Variants in MORN1 observed in about 807,000 individuals in gnomAD.
MORN1 encodes the protein MORN repeat-containing protein 1.
In MORN1, 67 loss-of-function variants were observed where a neutral mutation model predicts 61.9. The observed-to-expected ratio is 1.08, with a 90% CI of 0.89 to 1.33. MORN1 has a LOEUF of 1.33. MORN1 is among the 40% of genes most tolerant of loss of function. The probability of loss-of-function intolerance (pLI) is 0.00; values close to 1 mark genes in which losing one functional copy is unlikely to be tolerated. For missense variants in MORN1, 752 were observed against 691.2 expected (o/e 1.09, Z -0.99); for synonymous variants, 301 against 292.0 (o/e 1.03, Z -0.31).
At chr1:2,346,948 G>T (rs1389514776) in intron 10 of MORN1, among the ~76,000 whole-genome samples, 1 of 152,220 alleles carries the variant, frequency 6.6e-6, no homozygotes, top group African/African-American at 2.4e-5. Context: ...CCGTCCCGCT[G>T]GCCAGGGCTG....
chr1:2,348,649 A>ACG (rs1641570235), intron 10 of MORN1, among the ~76,000 whole-genome samples: 1 of 151,226 alleles, frequency 6.6e-6, no homozygotes, highest in African/African-American at 2.4e-5. Context: ...CTGCGCAGGC[A>ACG]CGCACACACG....
chr1:2,324,279 C>A, intron 12 of MORN1, 136 bp from the exon 13 acceptor site: 1 of 858,358 alleles, frequency 1.2e-6, no homozygotes. Context: ...CGAACCCCAC[C>A]TCGGGGCCAT....
chr1:2,373,050 A>C (rs1642156786), intron 7 of MORN1, among the ~76,000 whole-genome samples: 3 of 152,206 alleles, frequency 2.0e-5, no homozygotes, highest in South Asian at 4.1e-4. Context: ...GCCTCCTGGC[A>C]GCCAGGGCCG....
chr1:2,322,449 C>T (rs1295484108), intron 13 of MORN1: 5 of 985,250 alleles, frequency 5.1e-6, no homozygotes, highest in African/African-American at 1.7e-5. Flanking sequence ...GAGCGGCGGC[C>T]TCCTCGGCCA....
intron 6 of MORN1, among the ~76,000 whole-genome samples, chr1:2,383,959 G>A (rs1170678708): frequency 2.6e-5 from 4 of 152,182 alleles, no homozygotes; most frequent in African/African-American, 4.8e-5. Flanking sequence ...AGACTCCACC[G>A]CAGAGGGTCT....
At chr1:2,348,492 C>T (rs1229761552) in intron 10 of MORN1, among the ~76,000 whole-genome samples, 1 of 152,208 alleles carries the variant, frequency 6.6e-6, no homozygotes, top group Non-Finnish European at 1.5e-5. Context: ...CAGGGAACCC[C>T]GGTTCTTTTC....
chr1:2,371,558 G>A (rs1642123055), intron 8 of MORN1: 1 of 152,246 alleles, frequency 6.6e-6, no homozygotes, highest in Non-Finnish European at 1.5e-5. Flanking sequence ...GAACCTTCAT[G>A]CATTACTGGT....
chr1:2,385,475 C>A, intron 5 of MORN1: 1 of 379,078 alleles, frequency 2.6e-6, no homozygotes, highest in Non-Finnish European at 4.8e-6. Flanking sequence ...GCACCCCCAT[C>A]CTCATTTAGA....
chr1:2,391,453 G>C lies in MORN1; in HGVS notation c.76+5C>G. 1.6e-6 allele frequency: 2 copies of C among 1,256,192 alleles called. No individual in the cohort carries two copies. Among genetic ancestry groups the C allele is most frequent in the Non-Finnish European group, 1.0e-6 (1 of 992,808 alleles). 77.8% of individuals were successfully genotyped at this position (1,256,192 alleles called of 1,614,324 possible). On this transcript the variant is annotated splice_donor_5th_base_variant and intron_variant, in intron 1 of 13. Transcript: ENST00000378531. ...GCGACCTGTCCCGTGGCCCGCAGTC[G>C]TTACCGTTCCGGGGCGGCCGCCTAG...
chr1:2,391,147 C>T (rs1364161024), intron 1 of MORN1, among the ~76,000 whole-genome samples: 2 of 152,180 alleles, frequency 1.3e-5, no homozygotes, highest in Non-Finnish European at 2.9e-5. Context: ...ATCCCCATGG[C>T]AACCCCAGGT....
At chr1:2,347,390 G>A (rs1009375632) in intron 10 of MORN1, among the ~76,000 whole-genome samples, 5 of 152,028 alleles carry the variant, frequency 3.3e-5, no homozygotes, top group Admixed American at 1.3e-4. Context: ...CCCTACCCCC[G>A]ATCACCCATC....
At position 2,351,451 on chromosome 1, in the gene MORN1, C is replaced by T. The variant is rs1461250555; in HGVS notation, c.1036+5981G>A. ...TCTGGGACTTTCGAGTCGGTTGGTG[C>T]ACTTGCGGGGGCCCAGCAGGGGTAC... On this transcript the variant is annotated intron_variant, in intron 10 of 13. Coordinates refer to ENST00000378531, the MANE Select transcript of MORN1 (RefSeq NM_024848.3). 2.4e-5 allele frequency: 4 copies of T among 165,710 alleles called. No homozygotes were observed. The East Asian group carries it at 5.6e-4, about 23-fold the overall frequency. The allele number at this position is 165,710 out of a possible 1,614,324, so 10.3% of individuals were successfully genotyped here.
chr1:2,385,981 C>T (rs1642488768), intron 4 of MORN1, 84 bp from the exon 5 acceptor site: 24 of 1,220,028 alleles, frequency 2.0e-5, no homozygotes, highest in East Asian at 1.2e-4. Context: ...CCTTGGAGGG[C>T]GGGCAGGAGC....
intron 10 of MORN1, among the ~76,000 whole-genome samples, chr1:2,354,531 C>T (rs1641718261): frequency 6.6e-6 from 1 of 152,194 alleles, no homozygotes; most frequent in Non-Finnish European, 1.5e-5. Flanking sequence ...CACGCCACTG[C>T]ACTCCAGCCT....
At chr1:2,389,687 C>T (rs1557897245) in intron 2 of MORN1, among the ~76,000 whole-genome samples, 2 of 152,342 alleles carry the variant, frequency 1.3e-5, no homozygotes, top group Admixed American at 1.3e-4. Flanking sequence ...AACTCAACCT[C>T]TAGGGAGAAT....
rs1460357325 is a variant in MORN1 at position 2,391,472 on chromosome 1, C to T, written c.62G>A (p.Arg21Gln). The T allele has an allele frequency of 8.0e-7, 1 of 1,256,668 alleles. No homozygotes were observed. 77.8% of individuals were successfully genotyped at this position (1,256,668 alleles called of 1,614,324 possible). ...GCAGTCGTTACCGTTCCGGGGCGGC[C>T]GCCTAGGCGGGTCCCGACGCGGCCC... ...SRGPRRDPPR[R>Q]PPRNGYGVYV... is the part of the protein sequence containing the mutation. The change falls in exon 1 of 14, where the codon CGG becomes CAG. Residue 21 changes from arginine to glutamine, a missense_variant. Coordinates refer to ENST00000378531, the MANE Select transcript of MORN1 (RefSeq NM_024848.3).
chr1:2,390,336 G>C lies in MORN1; in HGVS notation c.77-340C>G, dbSNP rs925918380. 3 of 845,980 alleles carry C rather than the reference G, an allele frequency of 3.5e-6. No individual in the cohort carries two copies. The South Asian group carries it at 1.6e-4, about 45-fold the overall frequency. The allele number at this position is 845,980 out of a possible 1,614,324, so 52.4% of individuals were successfully genotyped here. ...GCAGGTTGGGAGCCTTGTTGCAGGA[G>C]ATGAGTGAGCCAGGGGAAGGCAGAG... On this transcript the variant is annotated intron_variant, in intron 1 of 13. Transcript: ENST00000378531.
intron 5 of MORN1, chr1:2,385,552 G>A: frequency 3.5e-6 from 1 of 287,922 alleles, no homozygotes; most frequent in South Asian, 7.2e-5. Flanking sequence ...TTTTAATCGG[G>A]GGGGGGGGGG....
At chr1:2,391,120 A>C (rs1642647744) in intron 1 of MORN1, among the ~76,000 whole-genome samples, 1 of 151,872 alleles carries the variant, frequency 6.6e-6, no homozygotes, top group Admixed American at 6.6e-5. Context: ...CCCTCGCCCC[A>C]AGTCCTGGGC....
Sources: gnomAD v4.1 joint callset for allele counts (sites outside exome capture counted in the v4.1 genomes callset) on GRCh38, gnomAD v4.1.1 for gene constraint, MANE v1.5 for transcripts, NCBI Gene and HGNC (gene_info 2026-07-23, HGNC 2026-07-21) for gene names.